The following ORAI2 variants were observed in gnomAD, a reference collection of about 807,000 sequenced individuals.
ORAI2 encodes ORAI calcium release-activated calcium modulator 2.
ORAI2 carries 10 observed loss-of-function variants against 16.2 expected under a neutral mutation model. That is an observed-to-expected ratio of 0.62 (90% CI 0.38 to 1.04). The LOEUF (loss-of-function observed/expected upper bound fraction) is 1.04. Among genes scored for constraint, ORAI2 ranks in the 50% least tolerant of loss-of-function variants. ORAI2 has a pLI of 0.01. For missense variants in ORAI2, 238 were observed against 355.5 expected, an observed-to-expected ratio of 0.67 and a Z score of 2.66; for synonymous variants, 150 against 157.5, an observed-to-expected ratio of 0.95 and a Z score of 0.35.
intron 2 of ORAI2, among the ~76,000 whole-genome samples, chr7:102,437,924 TTATGGTCC>T (rs1466877842): frequency 6.6e-6 from 1 of 152,016 alleles, no homozygotes; most frequent in Non-Finnish European, 1.5e-5. Context: ...GGTCCTGTGC[TTATGGTCC>T]TAGCTCCTCA....
chr7:102,450,623 T>C lies in ORAI2; in HGVS notation c.*3571T>C, dbSNP rs1315831663. On this transcript the variant is annotated 3_prime_UTR_variant, in exon 4 of 4. Coordinates refer to ENST00000495936, the MANE Select transcript of ORAI2 (RefSeq NM_001126340.3). ...GGAGGATGACAGTCTTGGAATTTCT[T>C]GTTCTCTTTCTCCTAGGGTTCTCGT... 1 of 152,310 alleles carries C rather than the reference T, an allele frequency of 6.6e-6. No individual in the cohort carries two copies. The highest frequency in any genetic ancestry group is 1.5e-5 in the Non-Finnish European group (1 of 68,106). 9.4% of individuals were successfully genotyped at this position (152,310 alleles called of 1,614,324 possible).
Position 102,456,572 on chromosome 7 carries a change from G to A in ORAI2, c.*9520G>A, listed in dbSNP as rs887064232. 2 of 152,096 alleles carry A rather than the reference G, an allele frequency of 1.3e-5. No individual in the cohort carries two copies. The highest frequency in any genetic ancestry group is 2.9e-5 in the Non-Finnish European group (2 of 68,046). 9.4% of individuals were successfully genotyped at this position (152,096 alleles called of 1,614,324 possible). On this transcript the variant is annotated 3_prime_UTR_variant, in exon 4 of 4. Transcript: ENST00000495936. ...TTAATTTTTCCTACTTGTTAACAGCGTTATGGGGCTGGAAGGAGGCTCTCA... is the reference window on the plus strand; with the variant it reads ...TTAATTTTTCCTACTTGTTAACAGCATTATGGGGCTGGAAGGAGGCTCTCA...
chr7:102,445,864 CTTTT>C (rs943240948), intron 3 of ORAI2, among the ~76,000 whole-genome samples: 1 of 151,408 alleles, frequency 6.6e-6, no homozygotes, highest in Non-Finnish European at 1.5e-5. Context: ...TTCCTTCTTT[CTTTT>C]TCTTTTCTTT....
chr7:102,439,621 G>A (rs550286549), intron 3 of ORAI2, among the ~76,000 whole-genome samples: 3 of 151,802 alleles, frequency 2.0e-5, no homozygotes, highest in South Asian at 2.1e-4. Flanking sequence ...ATAATTAGCC[G>A]GACGTGGTGG....
Sources: gnomAD v4.1 joint callset for allele counts (sites outside exome capture counted in the v4.1 genomes callset) on GRCh38, gnomAD v4.1.1 for gene constraint, MANE v1.5 for transcripts, NCBI Gene and HGNC (gene_info 2026-07-23, HGNC 2026-07-21) for gene names.